Variants in PBX1 observed in about 807,000 individuals in gnomAD.
PBX1 encodes the protein pre-B-cell leukemia transcription factor 1.
PBX1 carries 6 observed loss-of-function variants against 53.4 expected under a neutral mutation model. The ratio of observed to expected loss-of-function variants is 0.11; its 90% CI spans 0.06 to 0.22. The LOEUF is 0.22. Among genes scored for constraint, PBX1 ranks in the 10% least tolerant of loss-of-function variants. PBX1 has a pLI of 1.00. For synonymous variants in PBX1, 204 were observed against 212.3 expected, an observed-to-expected ratio of 0.96 and a Z score of 0.34; for missense variants, 251 against 551.4, an observed-to-expected ratio of 0.46 and a Z score of 5.46.
intron 2 of PBX1, among the ~76,000 whole-genome samples, chr1:164,740,288 T>C (rs997971662): frequency 6.6e-6 from 1 of 152,120 alleles, no homozygotes; most frequent in African/African-American, 2.4e-5. Context: ...TACTGAGCCA[T>C]ATACTTGATG....
At chr1:164,603,961 T>TTTTTTTTTA (rs1553214847) in intron 2 of PBX1, among the ~76,000 whole-genome samples, 10 of 132,030 alleles carry the variant, frequency 7.6e-5, no homozygotes, top group African/African-American at 2.8e-4. Flanking sequence ...TTTTTTTTTT[T>TTTTTTTTTA]TAGAGATGAG....
intron 2 of PBX1, among the ~76,000 whole-genome samples, chr1:164,602,232 G>C (rs965751667): frequency 6.6e-6 from 1 of 152,032 alleles, no homozygotes; most frequent in African/African-American, 2.4e-5. Context: ...TGGGCTGAAG[G>C]GAAACAAAGC....
At chr1:164,884,608 T>C in intron 2 of PBX1, 1 of 500,588 alleles carries the variant, frequency 2.0e-6, no homozygotes, top group Non-Finnish European at 3.9e-6. Context: ...TTCTCTTGAC[T>C]GAAGAAATGT....
At chr1:164,686,704 A>G (rs1028128247) in intron 2 of PBX1, among the ~76,000 whole-genome samples, 17 of 152,160 alleles carry the variant, frequency 1.1e-4, no homozygotes, top group African/African-American at 4.1e-4. Context: ...TGTTCAACAA[A>G]TGAGTGATCT....
At chr1:164,563,526 C>T (rs191099469) in intron 2 of PBX1, among the ~76,000 whole-genome samples, 173 of 152,160 alleles carry the variant, frequency 1.1e-3, no homozygotes, top group African/African-American at 4.0e-3. Flanking sequence ...GGTTAATTTT[C>T]CAGAACTCTA....
downstream of PBX1, chr1:164,854,453 C>A (rs191729445): frequency 3.3e-5 from 5 of 152,028 alleles, no homozygotes; most frequent in East Asian, 9.7e-4. Context: ...GGCACAAGAA[C>A]CTAGTCTTAT....
chr1:164,773,134 T>C (rs898861622), intron 2 of PBX1: 8 of 152,208 alleles, frequency 5.3e-5, no homozygotes, highest in Admixed American at 2.0e-4. Flanking sequence ...CTGTAATTAT[T>C]TTGGTTGCAT....
chr1:164,744,775 G>C (rs149698528), intron 2 of PBX1, among the ~76,000 whole-genome samples: 2 of 152,262 alleles, frequency 1.3e-5, no homozygotes, highest in Non-Finnish European at 2.9e-5. Context: ...CAGATAGGTA[G>C]GTAATCTGAG....
chr1:164,613,058 C>CA (rs1396117686), intron 2 of PBX1, among the ~76,000 whole-genome samples: 13 of 151,826 alleles, frequency 8.6e-5, no homozygotes, highest in African/African-American at 2.7e-4. Context: ...ACAACAACAA[C>CA]AAAAAAACCC....
chr1:164,862,569 C>T (rs1439466732), intron 2 of PBX1, among the ~76,000 whole-genome samples: 1 of 152,190 alleles, frequency 6.6e-6, no homozygotes, highest in Non-Finnish European at 1.5e-5. Flanking sequence ...ACTGCCCCCA[C>T]ATTTGGTTCA....
chr1:164,834,378 C>G (rs1280750129), intron 8 of PBX1, among the ~76,000 whole-genome samples: 1 of 148,198 alleles, frequency 6.7e-6, no homozygotes, highest in African/African-American at 2.5e-5. Flanking sequence ...GAGTCTCACT[C>G]TGTCACCCAG....
chr1:164,713,827 A>G (rs1042052175), intron 2 of PBX1, among the ~76,000 whole-genome samples: 2 of 152,206 alleles, frequency 1.3e-5, no homozygotes, highest in African/African-American at 4.8e-5. Context: ...AATAAGAACC[A>G]CCTGTGCCTC....
chr1:164,679,671 T>G (rs1661639276), intron 2 of PBX1, among the ~76,000 whole-genome samples: 1 of 152,226 alleles, frequency 6.6e-6, no homozygotes, highest in South Asian at 2.1e-4. Flanking sequence ...TTGTATTCAT[T>G]TAAGCATTGT....
At chr1:164,814,349 G>A (rs1171238020) in intron 6 of PBX1, 3 of 152,214 alleles carry the variant, frequency 2.0e-5, no homozygotes, top group Admixed American at 6.5e-5. Context: ...TTGAAGTCTA[G>A]AGTTGTAGAA....
chr1:164,837,798 C>T (rs74118222), intron 8 of PBX1, among the ~76,000 whole-genome samples: 1,532 of 152,282 alleles, frequency 0.01, 21 homozygotes, highest in African/African-American at 0.035. Flanking sequence ...GACATGAACA[C>T]GTTATGTGTA....
intron 2 of PBX1, among the ~76,000 whole-genome samples, chr1:164,636,254 G>C (rs1571119067): frequency 1.3e-5 from 2 of 151,880 alleles, no homozygotes; most frequent in East Asian, 3.9e-4. Context: ...ACAGTTTCTT[G>C]GGTTAACCAA....
At chr1:164,792,468 G>C in intron 2 of PBX1, 26 bp from the exon 3 acceptor site, 1 of 1,612,050 alleles carries the variant, frequency 6.2e-7, no homozygotes, top group Non-Finnish European at 8.5e-7. Flanking sequence ...TACTATTAAC[G>C]CTCCCTTCCC....
intron 8 of PBX1, chr1:164,828,544 A>G (rs1670587300): frequency 6.6e-6 from 1 of 152,180 alleles, no homozygotes; most frequent in South Asian, 2.1e-4. Context: ...GTTTTATAGC[A>G]TCCTGCCCAG....
intron 8 of PBX1, among the ~76,000 whole-genome samples, chr1:164,835,368 A>G (rs1343338964): frequency 6.6e-6 from 1 of 151,918 alleles, no homozygotes; most frequent in Non-Finnish European, 1.5e-5. Flanking sequence ...ATCAAAGGGT[A>G]TGCATAAGTT....
Sources: allele counts gnomAD v4.1 joint callset (sites outside exome capture counted in the v4.1 genomes callset), GRCh38; gene constraint gnomAD v4.1.1; transcripts MANE v1.5; gene names NCBI Gene and HGNC (gene_info 2026-07-23, HGNC 2026-07-21).